Variants in CYP26C1 observed in about 807,000 individuals in gnomAD.
CYP26C1 encodes the protein cytochrome P450 26C1.
A neutral mutation model predicts 39.1 loss-of-function variants in CYP26C1; 41 were observed. The ratio of observed to expected loss-of-function variants is 1.05; its 90% CI spans 0.82 to 1.36. The LOEUF (loss-of-function observed/expected upper bound fraction) is 1.36. CYP26C1 is among the 40% of genes most tolerant of loss of function. The probability of loss-of-function intolerance (pLI) is 0.00; values close to 1 mark genes in which losing one functional copy is unlikely to be tolerated. For missense variants in CYP26C1, 833 were observed against 752.0 expected (o/e 1.11, Z -1.26); for synonymous variants, 362 against 350.8 (o/e 1.03, Z -0.36).
rs141904814 is a variant in CYP26C1, at chr10:93,062,935, G to A, written c.645G>A (p.Glu215=). Residue 215 remains glutamate, a synonymous_variant, in exon 3 of 6, where the codon GAG becomes GAA. Transcript: ENST00000651965. ...GCGCCACGCTGGCCCGGACCTTCGA[G>A]CAGCTCGTGGAGAACCTCTTCTCAC... ...AQCATLARTF[E]QLVENLFSLP... 19 of 1,604,136 alleles carry A rather than the reference G, an allele frequency of 1.2e-5. No homozygotes were observed. Among genetic ancestry groups the A allele is most frequent in the East Asian group, 4.5e-5 (2 of 44,692 alleles).
intron 1 of CYP26C1, among the ~76,000 whole-genome samples, 159 bp from the exon 2 acceptor site, chr10:93,061,851 C>A (rs977170841): frequency 6.6e-6 from 1 of 152,246 alleles, no homozygotes; most frequent in Non-Finnish European, 1.5e-5. Flanking sequence ...GGAGCATGTA[C>A]ATTCCCGTAG....
At position 93,066,193 on chromosome 10, in the gene CYP26C1, C is replaced by T. The variant is rs778666638; in HGVS notation, c.1099C>T (p.Arg367Cys). 6 of 1,472,578 alleles carry T rather than the reference C, an allele frequency of 4.1e-6. No individual in the cohort carries two copies. The East Asian group carries it at 1.1e-4, about 27-fold the overall frequency. 91.2% of individuals were successfully genotyped at this position (1,472,578 alleles called of 1,614,324 possible). A position where few individuals can be genotyped will look rare whatever the true frequency, so the allele number is the denominator to read the frequency against. The change falls in exon 5 of 6, where the codon CGC (arginine) becomes TGC (cysteine). Residue 367 changes from arginine to cysteine, a missense_variant. By Grantham distance (180) the Arg-to-Cys change is radical. Transcript: ENST00000651965. Reference protein sequence around the residue: ...DLSLAALGRLRYVDCVVKEVL... With the variant: ...DLSLAALGRLCYVDCVVKEVL... ...CAGCCTCGCGGCGCTGGGCCGTCTG[C>T]GCTACGTCGACTGCGTGGTCAAGGA...
chr10:93,066,453 GGCT>G (rs1846830754), intron 5 of CYP26C1, among the ~76,000 whole-genome samples, 168 bp downstream of exon 5: 2 of 152,176 alleles, frequency 1.3e-5, no homozygotes, highest in African/African-American at 4.8e-5. Flanking sequence ...CTATAAAATG[GGCT>G]GAGCCTTGTT....
Position 93,061,013 on chromosome 10 carries a change from A to G in CYP26C1, c.-251A>G. The stretch of plus-strand genomic sequence containing the variant: ...GGACTGGCATTTGGGCCCAGGAGCC[A>G]GGAAAAAGTCCTGAGCGTGCCGGCC... On this transcript the variant is annotated 5_prime_UTR_variant, in exon 1 of 6. Coordinates refer to ENST00000651965, the MANE Select transcript of CYP26C1 (RefSeq NM_183374.3). 1 of 503,048 alleles carries G rather than the reference A, an allele frequency of 2.0e-6. No individual in the cohort carries two copies. The highest frequency in any genetic ancestry group is 3.6e-5 in the East Asian group (1 of 27,582). The allele number at this position is 503,048 out of a possible 1,614,324, so 31.2% of individuals were successfully genotyped here.
rs770409034 is a variant in CYP26C1, at chr10:93,068,443, G to A, written c.1315G>A (p.Asp439Asn). ...AGAGCGCTTCGGCGCAGCGCGCGAA[G>A]ATTCCCGGGGCGCCTCCAGCCGCTT... ...DPERFGAARE[D>N]SRGASSRFHY... is the part of the protein sequence containing the mutation. Residue 439 changes from aspartate (D) to asparagine (N), a missense_variant, in exon 6 of 6, where the codon GAT (aspartate) becomes AAT (asparagine). By Grantham distance (23) the Asp-to-Asn change is conservative (BLOSUM62 1). Coordinates refer to ENST00000651965, the MANE Select transcript of CYP26C1 (RefSeq NM_183374.3). The A allele has an allele frequency of 3.1e-6, 5 of 1,612,070 alleles. No homozygotes were observed. In the South Asian group the frequency reaches 5.5e-5, roughly 18 times the overall value.
chr10:93,062,878 C>G lies in CYP26C1; in HGVS notation c.588C>G (p.Ile196Met), dbSNP rs780186241. The G allele has an allele frequency of 3.1e-6, 5 of 1,604,710 alleles. No individual in the cohort carries two copies. The highest frequency in any genetic ancestry group is 3.4e-6 in the Non-Finnish European group (4 of 1,179,234). ...TCACCTTCCGCATGGCCGCGCGCAT[C>G]CTGCTGGGGTTGCGGCTGGACGAGG... is the stretch of plus-strand genomic sequence containing the variant. ...KALTFRMAAR[I>M]LLGLRLDEAQ... The change falls in exon 3 of 6, where the codon ATC becomes ATG. Residue 196 changes from isoleucine (I) to methionine (M), a missense_variant. By Grantham distance (10) the Ile-to-Met change is conservative. Coordinates refer to ENST00000651965, the MANE Select transcript of CYP26C1 (RefSeq NM_183374.3).
intron 2 of CYP26C1, 49 bp downstream of exon 2, chr10:93,062,283 C>G (rs1438532772): frequency 4.7e-6 from 7 of 1,477,192 alleles, no homozygotes; most frequent in Non-Finnish European, 6.3e-6. Flanking sequence ...CCGCGGTCCC[C>G]GGCATCTGCC....
intron 5 of CYP26C1, among the ~76,000 whole-genome samples, chr10:93,066,707 T>G (rs1371262883): frequency 1.3e-5 from 2 of 152,104 alleles, no homozygotes; most frequent in African/African-American, 4.8e-5. Flanking sequence ...CCTCACAAGA[T>G]GAAGGAACCC....
Position 93,062,799 on chromosome 10 carries a change from G to A in CYP26C1, c.509G>A (p.Arg170His). The part of the protein sequence containing the change: ...RLQGALRHEV[R>H]SWCAAGGPVS... ...CAGGGGGCGCTGCGGCATGAGGTGC[G>A]CTCCTGGTGCGCGGCGGGCGGGCCG... Residue 170 changes from arginine (R) to histidine (H), a missense_variant, in exon 3 of 6, where the codon CGC becomes CAC. Transcript: ENST00000651965. 3 of 1,545,002 alleles carry A rather than the reference G, an allele frequency of 1.9e-6. No individual in the cohort carries two copies. Among genetic ancestry groups the A allele is most frequent in the Non-Finnish European group, 2.6e-6 (3 of 1,152,140 alleles).
chr10:93,061,737 T>C (rs900637174), intron 1 of CYP26C1, among the ~76,000 whole-genome samples: 4 of 152,176 alleles, frequency 2.6e-5, no homozygotes, highest in Admixed American at 1.3e-4. Context: ...GAGGAGCACG[T>C]CCTGCAAGGG....
At chr10:93,061,529 C>T (rs2134410428) in intron 1 of CYP26C1, 62 bp downstream of exon 1, 2 of 1,528,002 alleles carry the variant, frequency 1.3e-6, no homozygotes, top group South Asian at 2.4e-5. Context: ...TCCCACTGGA[C>T]CCTCCTCAGT....
At chr10:93,068,187 T>C in intron 5 of CYP26C1, 133 bp from the exon 6 acceptor site, 1 of 1,141,882 alleles carries the variant, frequency 8.8e-7, no homozygotes, top group Non-Finnish European at 1.2e-6. Context: ...AGCTTTCTCC[T>C]GGTTTCCGGG....
intron 5 of CYP26C1, 67 bp downstream of exon 5, chr10:93,066,352 G>T: frequency 8.9e-6 from 11 of 1,235,084 alleles, no homozygotes; most frequent in Non-Finnish European, 1.1e-5. Context: ...GCCGCCTGCC[G>T]CCTGCCGCGG....
In CYP26C1 at chr10:93,068,726, C is replaced by T; in HGVS notation, c.*29C>T. 6.8e-7 allele frequency: 1 copy of T among 1,481,102 alleles called. No homozygotes were observed. The allele number at this position is 1,481,102 out of a possible 1,614,324, so 91.7% of individuals were successfully genotyped here. A position where few individuals can be genotyped will look rare whatever the true frequency, so the allele number is the denominator to read the frequency against. Reference sequence around the variant, plus strand: ...GCTTGCGCTCTAGGACACGGCTTGGCCGGTGGCTATGGCGCGCACGCAGCG... The same window carrying T: ...GCTTGCGCTCTAGGACACGGCTTGGTCGGTGGCTATGGCGCGCACGCAGCG... On this transcript the variant is annotated 3_prime_UTR_variant, in exon 6 of 6. Transcript: ENST00000651965.
Position 93,062,900 on chromosome 10 carries a change from G to A in CYP26C1, c.610G>A (p.Glu204Lys), listed in dbSNP as rs536813419. The A allele has an allele frequency of 1.2e-6, 2 of 1,605,060 alleles. No homozygotes were observed. Among genetic ancestry groups the A allele is most frequent in the Admixed American group, 1.7e-5 (1 of 59,850 alleles). The change falls in exon 3 of 6, where the codon GAG becomes AAG. Residue 204 changes from glutamate (E) to lysine (K), a missense_variant. Physicochemically the swap from Glu to Lys is moderately conservative, Grantham distance 56 (BLOSUM62 1). Coordinates refer to ENST00000651965, the MANE Select transcript of CYP26C1 (RefSeq NM_183374.3). ...CATCCTGCTGGGGTTGCGGCTGGAC[G>A]AGGCGCAGTGCGCCACGCTGGCCCG... ...ARILLGLRLD[E>K]AQCATLARTF...
At position 93,066,264 on chromosome 10, in the gene CYP26C1, C is replaced by A; in HGVS notation, c.1170C>A (p.Ala390=). The change falls in exon 5 of 6, where the codon GCC becomes GCA. Residue 390 remains alanine, a synonymous_variant. Coordinates refer to ENST00000651965, the MANE Select transcript of CYP26C1 (RefSeq NM_183374.3). The part of the protein sequence containing the change: ...LPPVSGGYRT[A]LRTFELDGYQ... ...CAGTGTCCGGGGGCTACCGCACCGC[C>A]CTGCGCACCTTCGAGCTCGACGTAA... 3 of 1,434,536 alleles carry A rather than the reference C, an allele frequency of 2.1e-6. No individual in the cohort carries two copies. The highest frequency in any genetic ancestry group is 2.7e-6 in the Non-Finnish European group (3 of 1,095,334). The allele number at this position is 1,434,536 out of a possible 1,614,324, so 88.9% of individuals were successfully genotyped here. A position where few individuals can be genotyped will look rare whatever the true frequency, so the allele number is the denominator to read the frequency against.
chr10:93,063,910 A>C (rs1157786221), intron 3 of CYP26C1: 1 of 986,722 alleles, frequency 1.0e-6, no homozygotes, highest in Non-Finnish European at 1.2e-6. Flanking sequence ...GGCATCCCCT[A>C]TTGCCCACGC....
chr10:93,067,017 G>A (rs1287431982), intron 5 of CYP26C1, among the ~76,000 whole-genome samples: 5 of 152,272 alleles, frequency 3.3e-5, no homozygotes, highest in Admixed American at 3.3e-4. Context: ...GTGCCAAACT[G>A]TGGGTGTTTG....
intron 4 of CYP26C1, among the ~76,000 whole-genome samples, chr10:93,065,340 G>A (rs55853605): frequency 0.091 from 13,796 of 152,268 alleles, 673 homozygotes; most frequent in Admixed American, 0.15. Context: ...CTCTTCTTGC[G>A]CAGAGCAGAC....
Sources: allele counts gnomAD v4.1 joint callset (sites outside exome capture counted in the v4.1 genomes callset), GRCh38; gene constraint gnomAD v4.1.1; transcripts MANE v1.5; gene names NCBI Gene and HGNC (gene_info 2026-07-23, HGNC 2026-07-21).